Variants in ATP8B4 observed in about 807,000 individuals in gnomAD.
ATP8B4 encodes the protein ATPase phospholipid transporting 8B4 (putative).
Under a neutral mutation model 145.6 loss-of-function variants are expected in ATP8B4, and 133 were observed. The ratio of observed to expected loss-of-function variants is 0.91; its 90% CI spans 0.79 to 1.05. The LOEUF (loss-of-function observed/expected upper bound fraction) is 1.05, where lower values mean the gene tolerates loss of function less well. ATP8B4 is among the 50% of genes least tolerant of loss of function. The probability of loss-of-function intolerance (pLI) is 0.00; values close to 1 mark genes in which losing one functional copy is unlikely to be tolerated. For missense variants in ATP8B4, 1,458 were observed against 1,425.2 expected (o/e 1.02, Z -0.37); for synonymous variants, 507 against 492.9 (o/e 1.03, Z -0.38).
intron 7 of ATP8B4, among the ~76,000 whole-genome samples, chr15:50,008,354 T>C (rs1447151762): frequency 1.3e-5 from 2 of 152,144 alleles, no homozygotes; most frequent in Non-Finnish European, 2.9e-5. Context: ...CTTAGAGTGT[T>C]ATTTTGGTGC....
Position 50,173,017 on chromosome 15 carries a change from A to C in ATP8B4, c.-43+9244T>G, listed in dbSNP as rs532374426. 3.6e-3 allele frequency among the ~76,000 whole-genome samples: 506 copies of C among 138,860 alleles called. 2 individuals carry two copies. The highest frequency in any genetic ancestry group is 0.014 in the African/African-American group (485 of 35,798). 91.1% of individuals were successfully genotyped at this position (138,860 alleles called of 152,430 possible). Reference sequence around the variant, plus strand: ...CCGCCCCGTCCGGGAGGTGGGGGGCAGCCCCCATCCGGGAGGTGGGGGCAG... The same window carrying C: ...CCGCCCCGTCCGGGAGGTGGGGGGCCGCCCCCATCCGGGAGGTGGGGGCAG... On this transcript the variant is annotated intron_variant, in intron 1 of 3. Transcript: ENST00000558829.
At chr15:49,867,620 T>C (rs2033020750) in intron 25 of ATP8B4, among the ~76,000 whole-genome samples, 1 of 152,172 alleles carries the variant, frequency 6.6e-6, no homozygotes, top group Non-Finnish European at 1.5e-5. Flanking sequence ...AACGATAGCC[T>C]GATCTGTGTG....
At chr15:49,928,120 C>A (rs990477596) in intron 16 of ATP8B4, among the ~76,000 whole-genome samples, 1 of 152,106 alleles carries the variant, frequency 6.6e-6, no homozygotes, top group African/African-American at 2.4e-5. Context: ...TTGCCTTGGG[C>A]AGTTTAGGAA....
At chr15:50,036,644 CCCGT>C (rs1481310989) in intron 6 of ATP8B4, among the ~76,000 whole-genome samples, 6 of 152,164 alleles carry the variant, frequency 3.9e-5, no homozygotes, top group Admixed American at 2.6e-4. Flanking sequence ...ACAGGACAAG[CCCGT>C]CTTGTAGGTT....
At chr15:50,091,919 T>C (rs571516041) in intron 2 of ATP8B4, among the ~76,000 whole-genome samples, 13 of 152,250 alleles carry the variant, frequency 8.5e-5, no homozygotes, top group Admixed American at 5.9e-4. Flanking sequence ...GAAATATACA[T>C]AGCTACTTGA....
intron 20 of ATP8B4, 132 bp from the exon 21 acceptor site, chr15:49,901,371 T>C: frequency 1.1e-6 from 1 of 935,976 alleles, no homozygotes; most frequent in Non-Finnish European, 1.5e-6. Flanking sequence ...AGACCCAGTT[T>C]CAGTAAGCAA....
chr15:50,040,276 C>T (rs939583524), intron 5 of ATP8B4, among the ~76,000 whole-genome samples: 1 of 152,218 alleles, frequency 6.6e-6, no homozygotes, highest in African/African-American at 2.4e-5. Flanking sequence ...ATGGCTGCTT[C>T]CACAGATAGC....
chr15:50,035,097 A>T (rs2050738927), intron 6 of ATP8B4, among the ~76,000 whole-genome samples: 1 of 152,206 alleles, frequency 6.6e-6, no homozygotes, highest in African/African-American at 2.4e-5. Flanking sequence ...CACATATTAC[A>T]ACAGTTTGTA....
At chr15:49,922,594 C>A (rs927633258) in intron 17 of ATP8B4, among the ~76,000 whole-genome samples, 1 of 152,022 alleles carries the variant, frequency 6.6e-6, no homozygotes, top group Non-Finnish European at 1.5e-5. Flanking sequence ...TGACAAAGAA[C>A]ATGAATACTC....
chr15:50,165,581 A>G (rs1377179487), intron 1 of ATP8B4, among the ~76,000 whole-genome samples: 3 of 152,300 alleles, frequency 2.0e-5, no homozygotes, highest in East Asian at 3.9e-4. Flanking sequence ...AAAGTCAACA[A>G]CATGTGTGAG....
chr15:50,007,754 C>T (rs2048418646), intron 7 of ATP8B4, among the ~76,000 whole-genome samples: 1 of 152,012 alleles, frequency 6.6e-6, no homozygotes, highest in Non-Finnish European at 1.5e-5. Context: ...CCAGCTGATA[C>T]CAGAGTGCAG....
intron 23 of ATP8B4, chr15:49,895,255 C>T (rs1259080088): frequency 6.6e-6 from 1 of 152,266 alleles, no homozygotes; most frequent in African/African-American, 2.4e-5. Context: ...GGTCTGGGTT[C>T]AAGGAAGCAG....
chr15:49,950,126 T>C (rs1034623721), intron 14 of ATP8B4, among the ~76,000 whole-genome samples: 14 of 152,182 alleles, frequency 9.2e-5, no homozygotes, highest in Admixed American at 3.3e-4. Flanking sequence ...GTTTTCTTTT[T>C]TTGTTGTGTC....
At chr15:49,898,874 G>C (rs2037714869) in intron 21 of ATP8B4, among the ~76,000 whole-genome samples, 1 of 152,154 alleles carries the variant, frequency 6.6e-6, no homozygotes, top group African/African-American at 2.4e-5. Flanking sequence ...CTATCCAAAT[G>C]CATAAGAGCC....
intron 1 of ATP8B4, among the ~76,000 whole-genome samples, chr15:50,141,758 G>C (rs751646652): frequency 5.9e-5 from 9 of 151,944 alleles, no homozygotes; most frequent in Admixed American, 3.9e-4. Context: ...CAATAAAGTT[G>C]TTTTAAAGAG....
intron 3 of ATP8B4, among the ~76,000 whole-genome samples, chr15:50,058,775 C>T (rs2052790121): frequency 6.6e-6 from 1 of 152,012 alleles, no homozygotes; most frequent in Admixed American, 6.5e-5. Context: ...TCCTGGTCTC[C>T]AGCCCCTTCA....
intron 1 of ATP8B4, among the ~76,000 whole-genome samples, chr15:50,160,885 A>G (rs2044508356): frequency 6.6e-6 from 1 of 151,980 alleles, no homozygotes; most frequent in Non-Finnish European, 1.5e-5. Context: ...TGTCAAGTTC[A>G]TTTGGTTTAT....
chr15:49,972,650 T>C lies in ATP8B4; in HGVS notation c.1175A>G (p.Asp392Gly). 1 of 1,614,054 alleles carries C rather than the reference T, an allele frequency of 6.2e-7. No homozygotes were observed. Among genetic ancestry groups the C allele is most frequent in the Non-Finnish European group, 8.5e-7 (1 of 1,179,986 alleles). Residue 392 changes from aspartate (D) to glycine (G), a missense_variant, in exon 13 of 28, where the codon GAC (aspartate) becomes GGC (glycine). By Grantham distance (94) the Asp-to-Gly change is moderately conservative. Transcript: ENST00000284509. ...GTTTTGAGTGAGGGTACCCGTTTTG[T>C]CGGAGAAAATGTACTCAATCTGCCC... ...ELGQIEYIFS[D>G]KTGTLTQNIM...
chr15:50,095,255 T>A (rs2055894957), intron 2 of ATP8B4, among the ~76,000 whole-genome samples: 1 of 151,900 alleles, frequency 6.6e-6, no homozygotes, highest in African/African-American at 2.4e-5. Context: ...TTTGCAGGTG[T>A]CCACCCAAAA....
Sources: gnomAD v4.1 joint callset for allele counts (sites outside exome capture counted in the v4.1 genomes callset) on GRCh38, gnomAD v4.1.1 for gene constraint, MANE v1.5 for transcripts, NCBI Gene and HGNC (gene_info 2026-07-23, HGNC 2026-07-21) for gene names.